The following MSRA variants were observed in gnomAD, a reference collection of about 807,000 sequenced individuals.
MSRA encodes mitochondrial peptide methionine sulfoxide reductase.
In MSRA, 54 loss-of-function variants were observed where a neutral mutation model predicts 31.3. The observed-to-expected ratio is 1.73, with a 90% confidence interval of 1.39 to 2.17. The LOEUF (loss-of-function observed/expected upper bound fraction) is 2.17, where lower values mean the gene tolerates loss of function less well. Ranked by LOEUF, MSRA falls within the 30% of genes most tolerant of loss-of-function variation. MSRA has a pLI of 0.00. For synonymous variants in MSRA, 169 were observed against 116.5 expected, an observed-to-expected ratio of 1.45 and a Z score of -2.90; for missense variants, 507 against 300.9, an observed-to-expected ratio of 1.69 and a Z score of -5.07.
At chr8:10,162,220 T>TCC (rs1188983120) in intron 1 of MSRA, among the ~76,000 whole-genome samples, 9 of 152,050 alleles carry the variant, frequency 5.9e-5, no homozygotes, top group African/African-American at 1.2e-4. Context: ...TTATTTTTAT[T>TCC]TTGGACAGGG....
intron 5 of MSRA, among the ~76,000 whole-genome samples, chr8:10,377,162 T>C (rs1373497505): frequency 6.6e-6 from 1 of 152,264 alleles, no homozygotes; most frequent in Middle Eastern, 3.2e-3. Flanking sequence ...CGAGTTTTTC[T>C]TGGAACGATT....
chr8:10,291,299 A>G (rs7004900), intron 3 of MSRA, among the ~76,000 whole-genome samples: 2,422 of 148,508 alleles, frequency 0.016, 67 homozygotes, highest in African/African-American at 0.061. Context: ...TGGCGGGCCA[A>G]CAACAACAAA....
intron 2 of MSRA, among the ~76,000 whole-genome samples, chr8:10,219,923 G>A (rs1288663356): frequency 6.7e-6 from 1 of 150,252 alleles, no homozygotes; most frequent in Non-Finnish European, 1.5e-5. Context: ...AAATCAAACA[G>A]TGCCAGTTCT....
intron 2 of MSRA, among the ~76,000 whole-genome samples, chr8:10,235,337 G>C (rs186153228): frequency 6.6e-6 from 1 of 152,036 alleles, no homozygotes; most frequent in Admixed American, 6.6e-5. Flanking sequence ...GAAATGAAAT[G>C]GAAATTACAT....
chr8:10,067,347 G>A (rs1585077575), intron 1 of MSRA, among the ~76,000 whole-genome samples: 1 of 152,152 alleles, frequency 6.6e-6, no homozygotes, highest in Non-Finnish European at 1.5e-5. Context: ...TTCCTGGTTG[G>A]ATAGCCAAAT....
At chr8:10,376,439 G>C (rs1057120871) in intron 5 of MSRA, among the ~76,000 whole-genome samples, 1 of 152,208 alleles carries the variant, frequency 6.6e-6, no homozygotes, top group East Asian at 1.9e-4. Flanking sequence ...GGGCTCTGCT[G>C]TGATATTATC....
intron 5 of MSRA, among the ~76,000 whole-genome samples, chr8:10,401,918 A>G (rs939628093): frequency 6.6e-6 from 1 of 152,192 alleles, no homozygotes; most frequent in Non-Finnish European, 1.5e-5. Flanking sequence ...GGGAGTTATT[A>G]TCTAATGGGT....
intron 5 of MSRA, among the ~76,000 whole-genome samples, chr8:10,398,459 G>C (rs543722085): frequency 9.8e-5 from 15 of 152,338 alleles, no homozygotes; most frequent in Non-Finnish European, 2.1e-4. Flanking sequence ...TCTGAGCACA[G>C]TTTTCTCCTG....
At chr8:10,160,184 C>T (rs1201897326) in intron 1 of MSRA, among the ~76,000 whole-genome samples, 1 of 152,090 alleles carries the variant, frequency 6.6e-6, no homozygotes, top group African/African-American at 2.4e-5. Flanking sequence ...ATCATACAGC[C>T]CCAACAGGTG....
intron 2 of MSRA, among the ~76,000 whole-genome samples, chr8:10,215,184 T>G (rs1176807721): frequency 6.6e-6 from 1 of 152,144 alleles, no homozygotes; most frequent in African/African-American, 2.4e-5. Context: ...CCCATTTCGG[T>G]TGTAAGTAAG....
chr8:10,385,003 GAAA>G (rs913669602), intron 5 of MSRA, among the ~76,000 whole-genome samples: 5 of 150,106 alleles, frequency 3.3e-5, no homozygotes, highest in African/African-American at 1.2e-4. Context: ...CCCTGTCTCC[GAAA>G]AAAAAAGGAA....
intron 3 of MSRA, among the ~76,000 whole-genome samples, chr8:10,298,008 G>C (rs1470672818): frequency 3.3e-5 from 5 of 152,228 alleles, no homozygotes; most frequent in South Asian, 4.1e-4. Context: ...TCAGGTCATA[G>C]TAGGAGGTTG....
chr8:10,420,910 T>G (rs1222300451), intron 5 of MSRA, among the ~76,000 whole-genome samples: 1 of 146,160 alleles, frequency 6.8e-6, no homozygotes, highest in African/African-American at 2.5e-5. Context: ...AAAAGGAGAA[T>G]CACTTGAGCC....
At chr8:10,255,724 G>A (rs138320473) in intron 3 of MSRA, among the ~76,000 whole-genome samples, 84 of 151,880 alleles carry the variant, frequency 5.5e-4, no homozygotes, top group African/African-American at 1.9e-3. Context: ...GAGTCAGGTC[G>A]TAAAATGGTG....
intron 5 of MSRA, among the ~76,000 whole-genome samples, chr8:10,378,093 G>A (rs1200545559): frequency 6.6e-6 from 1 of 152,246 alleles, no homozygotes; most frequent in African/African-American, 2.4e-5. Context: ...GAACTCTGTG[G>A]ACTCCTGAGG....
intron 1 of MSRA, among the ~76,000 whole-genome samples, chr8:10,077,741 T>C (rs2128921592): frequency 1.3e-5 from 2 of 152,294 alleles, no homozygotes; most frequent in Admixed American, 1.3e-4. Context: ...ATAAGTTTCT[T>C]ACAGTCCTGT....
intron 3 of MSRA, among the ~76,000 whole-genome samples, chr8:10,261,003 ATGT>A (rs1268941248): frequency 2.6e-5 from 4 of 152,342 alleles, no homozygotes; most frequent in South Asian, 2.1e-4. Flanking sequence ...TACTTGTAAA[ATGT>A]TGTTCAGCTT....
chr8:10,189,521 TA>T (rs35506935), intron 1 of MSRA, among the ~76,000 whole-genome samples: 6 of 152,130 alleles, frequency 3.9e-5, no homozygotes, highest in African/African-American at 4.8e-5. Flanking sequence ...CCTTGTTGAC[TA>T]AAAAAAGTTT....
chr8:10,082,412 G>T (rs1798340692), intron 1 of MSRA, among the ~76,000 whole-genome samples: 1 of 152,108 alleles, frequency 6.6e-6, no homozygotes, highest in South Asian at 2.1e-4. Flanking sequence ...CTCCCTGCTT[G>T]AGGGCGAAGC....
Sources: gnomAD v4.1 joint callset for allele counts (sites outside exome capture counted in the v4.1 genomes callset) on GRCh38, gnomAD v4.1.1 for gene constraint, MANE v1.5 for transcripts, NCBI Gene and HGNC (gene_info 2026-07-23, HGNC 2026-07-21) for gene names.